ADGRV1: variants seen among roughly 807,000 people sequenced by gnomAD.
ADGRV1 encodes adhesion G protein-coupled receptor V1.
A neutral mutation model predicts 596.2 loss-of-function variants in ADGRV1; 359 were observed. The observed-to-expected ratio is 0.60, with a 90% confidence interval of 0.55 to 0.66. ADGRV1 has a LOEUF of 0.66. Among genes scored for constraint, ADGRV1 ranks in the 30% least tolerant of loss-of-function variants. ADGRV1 has a pLI of 0.00. For missense variants in ADGRV1, 7,274 were observed against 7,575.6 expected, an observed-to-expected ratio of 0.96 and a Z score of 1.48; for synonymous variants, 2,681 against 2,679.2, an observed-to-expected ratio of 1.00 and a Z score of -0.02.
At position 90,710,134 on chromosome 5, in the gene ADGRV1, T is replaced by G. The variant is rs577332717; in HGVS notation, c.8825-847T>G. Among the ~76,000 whole-genome samples the G allele has an allele frequency of 9.2e-5, 14 of 152,286 alleles. No homozygotes were observed. The South Asian group carries it at 2.9e-3, about 32-fold the overall frequency. ...CTGGACAGTGTTGTTCTTTTCACTC[T>G]ACAGAGAATTACACTCTCCCTACCC... On this transcript the variant is annotated intron_variant, in intron 39 of 89. Transcript: ENST00000405460.
chr5:90,969,572 G>A (rs1315978333), intron 84 of ADGRV1, among the ~76,000 whole-genome samples: 3 of 152,188 alleles, frequency 2.0e-5, no homozygotes, highest in African/African-American at 7.2e-5. Context: ...AAGTCACACA[G>A]TGCAAAGCGA....
At chr5:90,864,827 C>T (rs1767937721) in intron 83 of ADGRV1, among the ~76,000 whole-genome samples, 1 of 152,056 alleles carries the variant, frequency 6.6e-6, no homozygotes, top group African/African-American at 2.4e-5. Flanking sequence ...GATGGGGAGA[C>T]ACTTCTGCAA....
chr5:90,789,113 A>G (rs1180593062), intron 68 of ADGRV1, among the ~76,000 whole-genome samples: 1 of 152,196 alleles, frequency 6.6e-6, no homozygotes, highest in East Asian at 1.9e-4. Flanking sequence ...CTTTTTCTCC[A>G]GGAAACCTCA....
At chr5:90,843,021 T>C (rs1765567867) in intron 78 of ADGRV1, among the ~76,000 whole-genome samples, 1 of 152,058 alleles carries the variant, frequency 6.6e-6, no homozygotes, top group East Asian at 1.9e-4. Context: ...CTTCAGTAAA[T>C]GGAAATTCAT....
At chr5:90,717,689 T>C (rs150073216) in intron 43 of ADGRV1, 8,631 of 152,374 alleles carry the variant, frequency 0.057, 348 homozygotes, top group South Asian at 0.13. Context: ...GTATTTTTAG[T>C]AGAGACGGGG....
intron 83 of ADGRV1, among the ~76,000 whole-genome samples, chr5:90,877,941 G>A (rs748123691): frequency 1.3e-4 from 19 of 151,962 alleles, no homozygotes; most frequent in Non-Finnish European, 2.2e-4. Context: ...AAAATAAATC[G>A]TGTGTATAGT....
intron 86 of ADGRV1, among the ~76,000 whole-genome samples, chr5:91,075,208 C>G (rs1581977496): frequency 1.3e-5 from 2 of 152,110 alleles, no homozygotes; most frequent in African/African-American, 4.8e-5. Context: ...ATTTCAGAAG[C>G]TATGCTTTTA....
chr5:91,024,071 G>A (rs1783843478), intron 85 of ADGRV1, among the ~76,000 whole-genome samples: 1 of 152,144 alleles, frequency 6.6e-6, no homozygotes, highest in Admixed American at 6.5e-5. Flanking sequence ...GGCCAAGCAT[G>A]AGTAGGTTCT....
At chr5:90,844,429 C>G (rs1489764495) in intron 78 of ADGRV1, among the ~76,000 whole-genome samples, 1 of 152,172 alleles carries the variant, frequency 6.6e-6, no homozygotes, top group African/African-American at 2.4e-5. Flanking sequence ...AAAAGAGCAT[C>G]AGCTTTAAAT....
intron 1 of ADGRV1, among the ~76,000 whole-genome samples, chr5:90,602,518 C>T (rs1365985476): frequency 1.3e-5 from 2 of 152,108 alleles, no homozygotes; most frequent in East Asian, 3.9e-4. Flanking sequence ...AACCCATAAC[C>T]CCAGTCTAAT....
Position 90,676,195 on chromosome 5 carries a change from A to T in ADGRV1, c.5429A>T (p.Asn1810Ile). Reference sequence around the variant, plus strand: ...AAATCTTTTAAAGTTGAGTTGTTAAACTTGGAAGGAGGAGGTAAGGCTGGT... The same window carrying T: ...AAATCTTTTAAAGTTGAGTTGTTAATCTTGGAAGGAGGAGGTAAGGCTGGT... ...LEKSFKVELL[N>I]LEGGVAELFR... The change falls in exon 25 of 90, where the codon AAC becomes ATC. Residue 1810 changes from asparagine (N) to isoleucine (I), a missense_variant. Asn to Ile is a moderately radical substitution (Grantham distance 149, BLOSUM62 -3). Transcript: ENST00000405460. The T allele has an allele frequency of 6.2e-7, 1 of 1,605,108 alleles. No homozygotes were observed. Among genetic ancestry groups the T allele is most frequent in the Non-Finnish European group, 8.5e-7 (1 of 1,176,332 alleles).
intron 83 of ADGRV1, among the ~76,000 whole-genome samples, chr5:90,899,947 A>C (rs1771683936): frequency 6.6e-6 from 1 of 152,166 alleles, no homozygotes; most frequent in African/African-American, 2.4e-5. Context: ...CACCCCTTGC[A>C]TCCAGTTCTT....
chr5:90,886,068 A>T (rs1770251484), intron 83 of ADGRV1, among the ~76,000 whole-genome samples: 1 of 152,114 alleles, frequency 6.6e-6, no homozygotes, highest in Non-Finnish European at 1.5e-5. Context: ...GGCACCAATG[A>T]TCCTGTTGCT....
intron 83 of ADGRV1, among the ~76,000 whole-genome samples, chr5:90,919,103 C>G (rs921296781): frequency 2.0e-5 from 3 of 152,172 alleles, no homozygotes; most frequent in African/African-American, 7.2e-5. Context: ...ATATCAAATC[C>G]AAACTTCTTT....
At chr5:90,758,032 A>C (rs751073325) in intron 57 of ADGRV1, among the ~76,000 whole-genome samples, 6 of 152,336 alleles carry the variant, frequency 3.9e-5, no homozygotes, top group Non-Finnish European at 5.9e-5. Flanking sequence ...CTTTTAAAGC[A>C]GATTTAGAAC....
At position 90,819,014 on chromosome 5, in the gene ADGRV1, G is replaced by T. The variant is rs1425633527; in HGVS notation, c.16196+3278G>T. ...GGTACCAGTTCCTCCTTGTACCTCT[G>T]GTAGAAATCGGCTGTGAATCCATCT... On this transcript the variant is annotated intron_variant, in intron 75 of 89. Coordinates refer to ENST00000405460, the MANE Select transcript of ADGRV1 (RefSeq NM_032119.4). Among the ~76,000 whole-genome samples, 3 of 152,072 alleles carry T rather than the reference G, an allele frequency of 2.0e-5. No homozygotes were observed. The East Asian group carries it at 5.8e-4, about 29-fold the overall frequency.
intron 86 of ADGRV1, among the ~76,000 whole-genome samples, chr5:91,075,503 CA>C (rs936642122): frequency 6.6e-6 from 1 of 152,044 alleles, no homozygotes; most frequent in African/African-American, 2.4e-5. Context: ...GAATATAAGG[CA>C]AAAGTTCCAG....
chr5:91,042,685 A>G (rs1461212590), intron 85 of ADGRV1, among the ~76,000 whole-genome samples: 1 of 152,174 alleles, frequency 6.6e-6, no homozygotes, highest in African/African-American at 2.4e-5. Flanking sequence ...TCAGTATTAG[A>G]AAATAGAGCA....
At chr5:90,975,486 T>C (rs923556582) in intron 84 of ADGRV1, among the ~76,000 whole-genome samples, 3 of 152,044 alleles carry the variant, frequency 2.0e-5, no homozygotes, top group Non-Finnish European at 2.9e-5. Context: ...ATTAAGAAAA[T>C]GTGGCACATA....
Sources: gnomAD v4.1 joint callset for allele counts (sites outside exome capture counted in the v4.1 genomes callset) on GRCh38, gnomAD v4.1.1 for gene constraint, MANE v1.5 for transcripts, NCBI Gene and HGNC (gene_info 2026-07-23, HGNC 2026-07-21) for gene names.